The following FBXO11 variants were observed in gnomAD, a reference collection of about 807,000 sequenced individuals.
The protein encoded by FBXO11 is F-box only protein 11.
Under a neutral mutation model 117.0 loss-of-function variants are expected in FBXO11, and 13 were observed. That is an observed-to-expected ratio of 0.11 (90% CI 0.07 to 0.18). The LOEUF (loss-of-function observed/expected upper bound fraction) is 0.18. Among genes scored for constraint, FBXO11 ranks in the 10% least tolerant of loss-of-function variants. The probability of loss-of-function intolerance (pLI) is 1.00; values close to 1 mark genes in which losing one functional copy is unlikely to be tolerated. For synonymous variants in FBXO11, 490 were observed against 380.5 expected, an observed-to-expected ratio of 1.29 and a Z score of -3.35; for missense variants, 767 against 1,164.4, an observed-to-expected ratio of 0.66 and a Z score of 4.97.
intron 1 of FBXO11, among the ~76,000 whole-genome samples, chr2:47,897,573 T>C (rs951778456): frequency 1.2e-4 from 18 of 152,118 alleles, no homozygotes; most frequent in African/African-American, 4.1e-4. Flanking sequence ...GGTGTGCACC[T>C]ATAATCCCAG....
At chr2:47,901,311 T>C (rs1319829786) in intron 1 of FBXO11, among the ~76,000 whole-genome samples, 1 of 151,656 alleles carries the variant, frequency 6.6e-6, no homozygotes, top group African/African-American at 2.4e-5. Flanking sequence ...AATGCATTCA[T>C]TAAATTTCTT....
At chr2:47,833,736 A>G (rs1672346618) in intron 7 of FBXO11, among the ~76,000 whole-genome samples, 1 of 152,224 alleles carries the variant, frequency 6.6e-6, no homozygotes, top group Admixed American at 6.5e-5. Flanking sequence ...CTTTAAAAAC[A>G]TAGCAATAGA....
At chr2:47,825,592 T>C (rs1671692748) in intron 11 of FBXO11, among the ~76,000 whole-genome samples, 1 of 148,288 alleles carries the variant, frequency 6.7e-6, no homozygotes, top group African/African-American at 2.5e-5. Flanking sequence ...TTTTTTTTTT[T>C]TTTTAGAGAC....
chr2:47,901,101 A>G (rs189449054), intron 1 of FBXO11, among the ~76,000 whole-genome samples: 30 of 108,678 alleles, frequency 2.8e-4, no homozygotes, highest in African/African-American at 9.5e-4. Context: ...ATATACATAT[A>G]TATGTATATA....
rs1285368544 is a variant in FBXO11 at position 47,807,241 on chromosome 2, C to CAAATACAGGACTGTTTGTTTTG, written c.*855_*876dup. Reference sequence around the variant, plus strand: ...TCAAAAAAAAACTATGAACAGAGTTCAAATACAGGACTGTTTGTTTTGAAG... The same window carrying CAAATACAGGACTGTTTGTTTTG: ...TCAAAAAAAAACTATGAACAGAGTTCAAATACAGGACTGTTTGTTTTGAAATACAGGACTGTTTGTTTTGAAG... On this transcript the variant is annotated 3_prime_UTR_variant, in exon 23 of 23. Coordinates refer to ENST00000403359, the MANE Select transcript of FBXO11 (RefSeq NM_001190274.2). 5.6e-4 allele frequency: 135 copies of CAAATACAGGACTGTTTGTTTTG among 239,852 alleles called. No homozygotes were observed. The highest frequency in any genetic ancestry group is 2.6e-3 in the African/African-American group (119 of 44,970). The allele number at this position is 239,852 out of a possible 1,614,324, so 14.9% of individuals were successfully genotyped here.
intron 1 of FBXO11, among the ~76,000 whole-genome samples, chr2:47,886,898 G>A (rs1471551601): frequency 1.3e-5 from 2 of 152,146 alleles, no homozygotes; most frequent in Admixed American, 1.3e-4. Context: ...AATTAACTGA[G>A]CATAGTGGCA....
chr2:47,885,620 G>C (rs1266129763), intron 1 of FBXO11, among the ~76,000 whole-genome samples: 1 of 152,076 alleles, frequency 6.6e-6, no homozygotes, highest in Non-Finnish European at 1.5e-5. Context: ...GTTTGTCTAA[G>C]GAAGAATTTT....
At chr2:47,887,730 A>T (rs541615271) in intron 1 of FBXO11, among the ~76,000 whole-genome samples, 1 of 152,232 alleles carries the variant, frequency 6.6e-6, no homozygotes, top group East Asian at 1.9e-4. Flanking sequence ...GCATGGTGGC[A>T]CACGCCTGTA....
chr2:47,820,290 G>T, intron 14 of FBXO11, 72 bp downstream of exon 14: 1 of 1,183,464 alleles, frequency 8.4e-7, no homozygotes, highest in Non-Finnish European at 1.2e-6. Context: ...CTACCTAAAA[G>T]CTTGAGGAGA....
chr2:47,853,426 T>C (rs575477410), intron 1 of FBXO11, among the ~76,000 whole-genome samples: 1 of 152,264 alleles, frequency 6.6e-6, no homozygotes, highest in Admixed American at 6.5e-5. Context: ...TTCAAATATA[T>C]AAAAATACCA....
At chr2:47,879,755 C>A (rs1676301007) in intron 1 of FBXO11, among the ~76,000 whole-genome samples, 1 of 152,204 alleles carries the variant, frequency 6.6e-6, no homozygotes, top group South Asian at 2.1e-4. Context: ...TCTATATCCA[C>A]TGAACAATTC....
At position 47,831,775 on chromosome 2, in the gene FBXO11, A is replaced by G. The variant is rs572780398; in HGVS notation, c.1398+574T>C. 8.5e-5 allele frequency among the ~76,000 whole-genome samples: 13 copies of G among 152,346 alleles called. No individual in the cohort carries two copies. In the South Asian group the frequency reaches 2.3e-3, roughly 27 times the overall value. On this transcript the variant is annotated intron_variant, in intron 11 of 22. Transcript: ENST00000403359. ...TATAAGGTAATACTTAAAACACAGTATATTCCATAAGGATGCCTAATATTA... is the reference window on the plus strand; with the variant it reads ...TATAAGGTAATACTTAAAACACAGTGTATTCCATAAGGATGCCTAATATTA...
At chr2:47,817,429 A>T (rs1317781412) in intron 16 of FBXO11, among the ~76,000 whole-genome samples, 1 of 152,244 alleles carries the variant, frequency 6.6e-6, no homozygotes, top group African/African-American at 2.4e-5. Context: ...AAACTAAGCA[A>T]TAAGGTTGTT....
At chr2:47,882,195 G>T (rs928868642) in intron 1 of FBXO11, among the ~76,000 whole-genome samples, 4 of 152,140 alleles carry the variant, frequency 2.6e-5, no homozygotes, top group African/African-American at 7.2e-5. Context: ...TGTTCCTTAA[G>T]AACAATGTGA....
chr2:47,893,207 C>A (rs902323040), intron 1 of FBXO11, among the ~76,000 whole-genome samples: 2 of 145,044 alleles, frequency 1.4e-5, no homozygotes, highest in South Asian at 4.2e-4. Flanking sequence ...TATACCAGAC[C>A]GTGGGGGTCA....
At chr2:47,823,099 T>G (rs778941152) in intron 12 of FBXO11, 44 bp downstream of exon 12, 2 of 1,432,420 alleles carry the variant, frequency 1.4e-6, no homozygotes, top group African/African-American at 1.4e-5. Flanking sequence ...TAAGCAAACC[T>G]TGAAGTGAAA....
At chr2:47,812,469 G>A (rs145998985) in intron 18 of FBXO11, among the ~76,000 whole-genome samples, 1 of 152,206 alleles carries the variant, frequency 6.6e-6, no homozygotes, top group African/African-American at 2.4e-5. Context: ...TGTATTGTGT[G>A]TCTTCACTAT....
Position 47,905,809 on chromosome 2 carries a change from G to A in FBXO11, c.-89C>T. On this transcript the variant is annotated 5_prime_UTR_variant, in exon 1 of 23. Coordinates refer to ENST00000403359, the MANE Select transcript of FBXO11 (RefSeq NM_001190274.2). ...GGGGCAGGAGAAAGGGGTGGGGAGAGTGGGAGAGGGGGGAGGAAGGAGAGG... is the reference window on the plus strand; with the variant it reads ...GGGGCAGGAGAAAGGGGTGGGGAGAATGGGAGAGGGGGGAGGAAGGAGAGG... 3.3e-6 allele frequency: 4 copies of A among 1,215,904 alleles called. No individual in the cohort carries two copies. Among genetic ancestry groups the A allele is most frequent in the Non-Finnish European group, 4.5e-6 (4 of 898,118 alleles). The allele number at this position is 1,215,904 out of a possible 1,614,324, so 75.3% of individuals were successfully genotyped here.
chr2:47,832,833 G>A lies in FBXO11; in HGVS notation c.1089C>T (p.Cys363=). Residue 363 remains cysteine (C), a synonymous_variant, in exon 9 of 23, where the codon TGC becomes TGT. Coordinates refer to ENST00000403359, the MANE Select transcript of FBXO11 (RefSeq NM_001190274.2). The part of the protein sequence containing the change: ...KSAQHHNAHH[C]LEITVNCSPI... ...GGCTACAATTTACTGTAATCTCTAA[G>A]CAGTGGTGTGCATTGTGGTGTTGTG... is the stretch of plus-strand genomic sequence containing the variant. 5 of 1,614,040 alleles carry A rather than the reference G, an allele frequency of 3.1e-6. No homozygotes were observed. Among genetic ancestry groups the A allele is most frequent in the Non-Finnish European group, 4.2e-6 (5 of 1,179,940 alleles).
Sources: gnomAD v4.1 joint callset for allele counts (sites outside exome capture counted in the v4.1 genomes callset) on GRCh38, gnomAD v4.1.1 for gene constraint, MANE v1.5 for transcripts, NCBI Gene and HGNC (gene_info 2026-07-23, HGNC 2026-07-21) for gene names.